The following CPPED1 variants were observed in gnomAD, a reference collection of about 807,000 sequenced individuals.
CPPED1 encodes the protein serine/threonine-protein phosphatase CPPED1.
In CPPED1, 28 loss-of-function variants were observed where a neutral mutation model predicts 28.0. The ratio of observed to expected loss-of-function variants is 1.00; its 90% confidence interval spans 0.74 to 1.37. CPPED1 has a LOEUF of 1.37. CPPED1 is among the 40% of genes most tolerant of loss of function. The pLI is 0.00. For missense variants in CPPED1, 504 were observed against 416.5 expected (o/e 1.21, Z -1.83); for synonymous variants, 198 against 180.2 (o/e 1.10, Z -0.79).
chr16:12,782,137 C>A (rs1415905264), intron 1 of CPPED1, among the ~76,000 whole-genome samples: 3 of 152,158 alleles, frequency 2.0e-5, no homozygotes, highest in East Asian at 1.9e-4. Context: ...CTCTCCTGGG[C>A]CAAAGCTTTG....
intron 3 of CPPED1, among the ~76,000 whole-genome samples, chr16:12,691,329 C>T (rs2079961703): frequency 6.6e-6 from 1 of 152,176 alleles, no homozygotes; most frequent in Non-Finnish European, 1.5e-5. Context: ...GTCACCCAGG[C>T]TAGTGGCGTA....
chr16:12,699,251 G>T (rs1170035084), intron 3 of CPPED1, among the ~76,000 whole-genome samples: 1 of 152,152 alleles, frequency 6.6e-6, no homozygotes, highest in Non-Finnish European at 1.5e-5. Context: ...GAAAATAACA[G>T]GTGCTGCTTC....
chr16:12,696,360 G>T (rs772343590), intron 3 of CPPED1, among the ~76,000 whole-genome samples: 2 of 151,922 alleles, frequency 1.3e-5, no homozygotes, highest in Non-Finnish European at 2.9e-5. Context: ...GTCCCCAAAC[G>T]GTTCGGGATC....
intron 3 of CPPED1, among the ~76,000 whole-genome samples, chr16:12,676,417 C>T (rs1363530439): frequency 2.6e-5 from 4 of 152,298 alleles, no homozygotes; most frequent in African/African-American, 7.2e-5. Context: ...TGGACATCTA[C>T]GACCTGCATT....
intron 2 of CPPED1, among the ~76,000 whole-genome samples, chr16:12,707,874 T>C (rs1025215104): frequency 2.2e-4 from 34 of 151,918 alleles, no homozygotes; most frequent in African/African-American, 8.2e-4. Context: ...TGGCAGGGCG[T>C]ACTGATGCAT....
chr16:12,776,026 G>T (rs2080495545), intron 2 of CPPED1, among the ~76,000 whole-genome samples: 1 of 152,124 alleles, frequency 6.6e-6, no homozygotes, highest in Non-Finnish European at 1.5e-5. Flanking sequence ...TGGCAAAAGG[G>T]GAATCTGCAG....
chr16:12,774,544 G>T (rs1054587319), intron 2 of CPPED1, among the ~76,000 whole-genome samples: 1 of 151,966 alleles, frequency 6.6e-6, no homozygotes, highest in Non-Finnish European at 1.5e-5. Flanking sequence ...TTTATTAACT[G>T]ACACAATTTC....
intron 2 of CPPED1, among the ~76,000 whole-genome samples, chr16:12,774,911 C>T (rs2141234941): frequency 6.6e-6 from 1 of 152,228 alleles, no homozygotes; most frequent in South Asian, 2.1e-4. Context: ...AGCTTGGACT[C>T]CCAGGTTCAA....
At position 12,704,792 on chromosome 16, in the gene CPPED1, G is replaced by C. The variant is rs145188593; in HGVS notation, c.547C>G (p.Gln183Glu). ...KCPSLKQAQDQWLDEQLSIAR... is the reference protein window; with the variant it reads ...KCPSLKQAQDEWLDEQLSIAR... ...ATGCTCAGCTGCTCGTCCAGCCACT[G>C]GTCCTGAGCCTGCTTCAGGCTGGGG... The change falls in exon 3 of 4, where the codon CAG (glutamine) becomes GAG (glutamate). Residue 183 changes from glutamine (Q) to glutamate (E), a missense_variant. By Grantham distance (29) the Gln-to-Glu change is conservative. Coordinates refer to ENST00000381774, the MANE Select transcript of CPPED1 (RefSeq NM_018340.3). 6.2e-7 allele frequency: 1 copy of C among 1,614,224 alleles called. No individual in the cohort carries two copies. Among genetic ancestry groups the C allele is most frequent in the African/African-American group, 1.3e-5 (1 of 75,072 alleles).
chr16:12,702,178 G>T (rs2080024059), intron 3 of CPPED1, among the ~76,000 whole-genome samples: 1 of 152,094 alleles, frequency 6.6e-6, no homozygotes, highest in African/African-American at 2.4e-5. Context: ...ATCTGAGTGG[G>T]CAGGGGGCTG....
intron 1 of CPPED1, among the ~76,000 whole-genome samples, chr16:12,783,950 C>T (rs1188319073): frequency 1.3e-5 from 2 of 151,340 alleles, no homozygotes; most frequent in East Asian, 3.9e-4. Flanking sequence ...TCACTGAGCA[C>T]TGACTGTGTT....
At chr16:12,763,751 C>T (rs4335760) in intron 2 of CPPED1, among the ~76,000 whole-genome samples, 32,644 of 152,068 alleles carry the variant, frequency 0.21, 4,021 homozygotes, top group Non-Finnish European at 0.28. Flanking sequence ...CAACTGCTGC[C>T]CATGTACACA....
chr16:12,728,739 T>C (rs1478811978), intron 2 of CPPED1, among the ~76,000 whole-genome samples: 1 of 152,114 alleles, frequency 6.6e-6, no homozygotes, highest in East Asian at 1.9e-4. Context: ...TACAACGACA[T>C]CAAATGAAGT....
intron 1 of CPPED1, among the ~76,000 whole-genome samples, chr16:12,803,151 A>G (rs1295831776): frequency 3.3e-5 from 5 of 152,216 alleles, no homozygotes; most frequent in Non-Finnish European, 5.9e-5. Context: ...TAAATCCAAA[A>G]TCCAAGCACT....
chr16:12,716,846 G>A (rs777226159), intron 2 of CPPED1, among the ~76,000 whole-genome samples: 1 of 152,180 alleles, frequency 6.6e-6, no homozygotes, highest in Non-Finnish European at 1.5e-5. Context: ...TTCTAGGGAG[G>A]GGCCCAGACA....
At chr16:12,759,680 C>A (rs897694571) in intron 2 of CPPED1, among the ~76,000 whole-genome samples, 1 of 152,148 alleles carries the variant, frequency 6.6e-6, no homozygotes, top group Non-Finnish European at 1.5e-5. Flanking sequence ...CCATGCTGTT[C>A]TCATGACAGT....
intron 1 of CPPED1, among the ~76,000 whole-genome samples, chr16:12,797,231 C>T (rs2080632758): frequency 6.6e-6 from 1 of 152,090 alleles, no homozygotes; most frequent in African/African-American, 2.4e-5. Flanking sequence ...TGTTATGGTA[C>T]ATAAATTATA....
At chr16:12,779,047 A>C (rs2080514381) in intron 2 of CPPED1, among the ~76,000 whole-genome samples, 1 of 152,252 alleles carries the variant, frequency 6.6e-6, no homozygotes, top group East Asian at 1.9e-4. Context: ...TAATTGCATG[A>C]AAAACTTTTA....
In CPPED1 at chr16:12,782,546, G is replaced by GTTT. The variant is rs35357238; in HGVS notation, c.71-1146_71-1144dup. On this transcript the variant is annotated intron_variant, in intron 1 of 3. Coordinates refer to ENST00000381774, the MANE Select transcript of CPPED1 (RefSeq NM_018340.3). ...AGAGCTGCTCCATCACCTTGAGGCT[G>GTTT]TTTTTTTTTTTTTTTTCATAATTTA... is the stretch of plus-strand genomic sequence containing the variant. Among the ~76,000 whole-genome samples, 66 of 138,762 alleles carry GTTT rather than the reference G, an allele frequency of 4.8e-4. 1 individual carries two copies. Among genetic ancestry groups the GTTT allele is most frequent in the East Asian group, 6.3e-4 (3 of 4,734 alleles). The allele number at this position is 138,762 out of a possible 152,430, so 91.0% of individuals were successfully genotyped here. A position where few individuals can be genotyped will look rare whatever the true frequency, so the allele number is the denominator to read the frequency against.
Sources: gnomAD v4.1 joint callset for allele counts (sites outside exome capture counted in the v4.1 genomes callset) on GRCh38, gnomAD v4.1.1 for gene constraint, MANE v1.5 for transcripts, NCBI Gene and HGNC (gene_info 2026-07-23, HGNC 2026-07-21) for gene names.